GSE1: variants seen among roughly 807,000 people sequenced by gnomAD.
The protein encoded by GSE1 is Gse1 coiled-coil protein, also known as genetic suppressor element 1.
GSE1 carries 32 observed loss-of-function variants against 112.6 expected under a neutral mutation model. The ratio of observed to expected loss-of-function variants is 0.28; its 90% CI spans 0.21 to 0.38. The LOEUF (loss-of-function observed/expected upper bound fraction) is 0.38. Among genes scored for constraint, GSE1 ranks in the 10% least tolerant of loss-of-function variants. GSE1 has a pLI of 1.00. For missense variants in GSE1, 2,348 were observed against 1,699.2 expected, an observed-to-expected ratio of 1.38 and a Z score of -6.71; for synonymous variants, 1,115 against 735.6, an observed-to-expected ratio of 1.52 and a Z score of -8.35.
chr16:85,632,831 G>A (rs1013125551), intron 1 of GSE1, among the ~76,000 whole-genome samples: 11 of 152,228 alleles, frequency 7.2e-5, no homozygotes, highest in Non-Finnish European at 4.4e-5. Flanking sequence ...GTCTGTGGGT[G>A]ATGTAGGGGT....
intron 1 of GSE1, chr16:85,581,886 T>G (rs1198374479): frequency 6.6e-6 from 1 of 152,120 alleles, no homozygotes; most frequent in Non-Finnish European, 1.5e-5. Flanking sequence ...AACACAAACT[T>G]CCTTGGGTTT....
Position 85,324,010 on chromosome 16 carries a change from C to T in GSE1, c.2284-33453C>T, listed in dbSNP as rs970362598. Among the ~76,000 whole-genome samples, 12 of 152,336 alleles carry T rather than the reference C, an allele frequency of 7.9e-5. No individual in the cohort carries two copies. In the South Asian group the frequency reaches 2.3e-3, roughly 29 times the overall value. On this transcript the variant is annotated intron_variant, in intron 1 of 2. Transcript: ENST00000637419. The stretch of plus-strand genomic sequence containing the variant: ...GCACATGAAAGCTTAACCAAGGTCT[C>T]GCTGCACACCCATGACGGGGCAGGA...
intron 1 of GSE1, among the ~76,000 whole-genome samples, chr16:85,207,479 G>A (rs562522030): frequency 2.4e-4 from 36 of 152,258 alleles, no homozygotes; most frequent in Non-Finnish European, 4.6e-4. Context: ...CTGCAGCCCA[G>A]CTGGGAGAGG....
intron 2 of GSE1, among the ~76,000 whole-genome samples, chr16:85,394,582 C>A (rs1218280346): frequency 2.6e-5 from 4 of 152,158 alleles, no homozygotes; most frequent in Non-Finnish European, 5.9e-5. Flanking sequence ...CGGCAGCCCC[C>A]GCGCACACAC....
intron 1 of GSE1, among the ~76,000 whole-genome samples, chr16:85,198,449 C>A (rs75102713): frequency 1.6e-4 from 24 of 152,276 alleles, no homozygotes; most frequent in Non-Finnish European, 2.9e-4. Flanking sequence ...GACCAGAGTC[C>A]CCGGCTGCCA....
chr16:85,634,165 A>C, intron 2 of GSE1, 33 bp downstream of exon 2: 1 of 1,365,412 alleles, frequency 7.3e-7, no homozygotes, highest in Non-Finnish European at 9.5e-7. Flanking sequence ...GCGTGGGGGG[A>C]GCGGCGGCTC....
At chr16:85,627,617 C>T (rs554588266) in intron 1 of GSE1, among the ~76,000 whole-genome samples, 3 of 152,200 alleles carry the variant, frequency 2.0e-5, no homozygotes, top group South Asian at 2.1e-4. Context: ...GGCTCGTTTT[C>T]GCCTGCTGAG....
At chr16:85,235,793 C>G (rs1405559505) in intron 1 of GSE1, among the ~76,000 whole-genome samples, 1 of 151,960 alleles carries the variant, frequency 6.6e-6, no homozygotes, top group Non-Finnish European at 1.5e-5. Flanking sequence ...GGCGAGGCGC[C>G]GGCCGGTGAG....
At chr16:85,401,965 G>C (rs1271284124) in intron 2 of GSE1, among the ~76,000 whole-genome samples, 1 of 152,226 alleles carries the variant, frequency 6.6e-6, no homozygotes. Context: ...TGCAGGTGCA[G>C]CTCAGTGTCT....
At chr16:85,203,777 G>A (rs1009079846) in intron 1 of GSE1, among the ~76,000 whole-genome samples, 2 of 152,088 alleles carry the variant, frequency 1.3e-5, no homozygotes, top group South Asian at 2.1e-4. Context: ...TCACTCTGTC[G>A]CCCAGGCTGG....
In GSE1 at chr16:85,546,721, C is replaced by A. The variant is rs558942935; in HGVS notation, c.2465-87193C>A. ...GATTCCTTCTCCCACATTCTCTTGG[C>A]CAGAACTTGGTCACCTGGCCCCACC... On this transcript the variant is annotated intron_variant, in intron 2 of 2. Coordinates refer to the GSE1 transcript ENST00000637419. 4.6e-5 allele frequency among the ~76,000 whole-genome samples: 7 copies of A among 152,340 alleles called. No individual in the cohort carries two copies. In the South Asian group the frequency reaches 1.4e-3, roughly 32 times the overall value.
At chr16:85,456,578 CCGTGTG>C (rs1259595364) in intron 2 of GSE1, among the ~76,000 whole-genome samples, 2 of 67,662 alleles carry the variant, frequency 3.0e-5, no homozygotes, top group African/African-American at 5.9e-5. Flanking sequence ...CATTTTCCTG[CCGTGTG>C]TGTGTGTGTG....
chr16:85,611,505 C>G, upstream of GSE1: 1 of 983,792 alleles, frequency 1.0e-6, no homozygotes, highest in South Asian at 4.7e-5. Context: ...ACCCCCGCGC[C>G]GTGCCAGGGC....
intron 2 of GSE1, among the ~76,000 whole-genome samples, chr16:85,413,438 C>G (rs1296959360): frequency 6.6e-6 from 1 of 152,032 alleles, no homozygotes; most frequent in Non-Finnish European, 1.5e-5. Flanking sequence ...GCGGCCTGCT[C>G]TCCCGGGTGA....
chr16:85,533,685 G>A (rs1335183251), intron 2 of GSE1, among the ~76,000 whole-genome samples: 1 of 152,062 alleles, frequency 6.6e-6, no homozygotes, highest in Non-Finnish European at 1.5e-5. Flanking sequence ...GCAACATAGA[G>A]GGACCCCATC....
chr16:85,300,637 G>A (rs919405368), intron 1 of GSE1, among the ~76,000 whole-genome samples: 4 of 152,192 alleles, frequency 2.6e-5, no homozygotes, highest in African/African-American at 9.7e-5. Flanking sequence ...CTCTCTCGCC[G>A]AGGAATAGTC....
In GSE1 at chr16:85,656,394, C is replaced by T. The variant is rs752433842; in HGVS notation, c.1041C>T (p.Arg347=). 30 of 1,532,370 alleles carry T rather than the reference C, an allele frequency of 2.0e-5. No individual in the cohort carries two copies. Among genetic ancestry groups the T allele is most frequent in the East Asian group, 1.2e-4 (5 of 42,866 alleles). 94.9% of individuals were successfully genotyped at this position (1,532,370 alleles called of 1,614,324 possible). Residue 347 remains arginine (R), a synonymous_variant, in exon 7 of 16, where the codon CGC becomes CGT. Coordinates refer to ENST00000253458, the MANE Select transcript of GSE1 (RefSeq NM_014615.5). ...LRRERERERE[R]EREREADRER... ...GGGAGAGGGAGCGCGAGCGCGAGCG[C>T]GAGCGTGAGCGTGAGGCTGACCGCG... is the stretch of plus-strand genomic sequence containing the variant.
At position 85,634,813 on chromosome 16, in the gene GSE1, C is replaced by G. The variant is rs565670619; in HGVS notation, c.226+681C>G. Among the ~76,000 whole-genome samples, 3 of 152,260 alleles carry G rather than the reference C, an allele frequency of 2.0e-5. No homozygotes were observed. The East Asian group carries it at 5.8e-4, about 29-fold the overall frequency. On this transcript the variant is annotated intron_variant, in intron 2 of 15. Transcript: ENST00000253458. ...CCCCTTTGGCTCTGGCTCTGGGGTA[C>G]TTTTTGGCGCCTGCGATGACCATTG...
chr16:85,242,299 C>T (rs1253451382), intron 1 of GSE1, among the ~76,000 whole-genome samples: 1 of 152,180 alleles, frequency 6.6e-6, no homozygotes, highest in Non-Finnish European at 1.5e-5. Context: ...GCCAGAGGCT[C>T]AGCAGCCCTC....
Sources: allele counts gnomAD v4.1 joint callset (sites outside exome capture counted in the v4.1 genomes callset), GRCh38; gene constraint gnomAD v4.1.1; transcripts MANE v1.5; gene names NCBI Gene and HGNC (gene_info 2026-07-23, HGNC 2026-07-21).